THADA: variants seen among roughly 807,000 people sequenced by gnomAD.
The protein encoded by THADA is tRNA (32-2'-O)-methyltransferase regulator THADA.
Under a neutral mutation model 219.8 loss-of-function variants are expected in THADA, and 213 were observed. That is an observed-to-expected ratio of 0.97 (90% CI 0.87 to 1.09). The LOEUF (loss-of-function observed/expected upper bound fraction) is 1.09. Ranked by LOEUF, THADA falls within the 50% of genes least tolerant of loss-of-function variation. THADA has a pLI of 0.00. For missense variants in THADA, 2,956 were observed against 2,311.3 expected (o/e 1.28, Z -5.72); for synonymous variants, 1,018 against 828.9 (o/e 1.23, Z -3.92).
At chr2:43,411,413 G>A (rs1462319500) in intron 28 of THADA, among the ~76,000 whole-genome samples, 1 of 152,022 alleles carries the variant, frequency 6.6e-6, no homozygotes, top group Admixed American at 6.6e-5. Flanking sequence ...AAATTTGTTG[G>A]GCCAGCTTTA....
chr2:43,593,205 T>C (rs879548172), intron 1 of THADA, among the ~76,000 whole-genome samples: 1 of 152,040 alleles, frequency 6.6e-6, no homozygotes, highest in Non-Finnish European at 1.5e-5. Flanking sequence ...GTCAATAAAC[T>C]GGAATAACGA....
At chr2:43,351,064 C>T (rs1201803897) in intron 29 of THADA, among the ~76,000 whole-genome samples, 3 of 152,130 alleles carry the variant, frequency 2.0e-5, no homozygotes, top group Non-Finnish European at 4.4e-5. Flanking sequence ...ATTAACACTC[C>T]CACTATTTTA....
chr2:43,474,005 T>C (rs769360354), intron 26 of THADA, among the ~76,000 whole-genome samples: 1 of 152,120 alleles, frequency 6.6e-6, no homozygotes, highest in African/African-American at 2.4e-5. Flanking sequence ...TGAGACATCA[T>C]AGGGGATAGG....
At chr2:43,512,318 A>C (rs987728635) in intron 22 of THADA, among the ~76,000 whole-genome samples, 1 of 152,038 alleles carries the variant, frequency 6.6e-6, no homozygotes, top group South Asian at 2.1e-4. Context: ...GAACTCTACC[A>C]CCGGTTCCCA....
intron 36 of THADA, among the ~76,000 whole-genome samples, chr2:43,261,107 C>G (rs1455336042): frequency 6.6e-6 from 1 of 151,526 alleles, no homozygotes; most frequent in East Asian, 1.9e-4. Flanking sequence ...CAATGCTTCT[C>G]TTCCTGTCCA....
intron 29 of THADA, among the ~76,000 whole-genome samples, chr2:43,361,005 G>T (rs1291040756): frequency 3.4e-5 from 5 of 148,492 alleles, no homozygotes; most frequent in Non-Finnish European, 7.4e-5. Context: ...CTGAAAGGGG[G>T]TGCTACCAGC....
At chr2:43,403,336 C>A (rs1299837916) in intron 28 of THADA, among the ~76,000 whole-genome samples, 1 of 152,128 alleles carries the variant, frequency 6.6e-6, no homozygotes, top group East Asian at 1.9e-4. Flanking sequence ...AGCAGAACAA[C>A]GAAGATGATG....
At chr2:43,334,216 G>C (rs1168510369) in intron 30 of THADA, among the ~76,000 whole-genome samples, 1 of 152,162 alleles carries the variant, frequency 6.6e-6, no homozygotes, top group Non-Finnish European at 1.5e-5. Context: ...AGTATGGATA[G>C]GGGGTGACAG....
intron 12 of THADA, among the ~76,000 whole-genome samples, chr2:43,572,216 C>A (rs955858150): frequency 6.6e-6 from 1 of 152,156 alleles, no homozygotes; most frequent in African/African-American, 2.4e-5. Flanking sequence ...TTTCTTTCTG[C>A]TCCCACTCTG....
chr2:43,488,987 T>C (rs559981201), intron 25 of THADA, among the ~76,000 whole-genome samples: 1 of 152,346 alleles, frequency 6.6e-6, no homozygotes, highest in African/African-American at 2.4e-5. Context: ...ATATTCTTTG[T>C]CCATTTTAAA....
At chr2:43,332,734 C>T (rs1386019915) in intron 30 of THADA, among the ~76,000 whole-genome samples, 8 of 152,176 alleles carry the variant, frequency 5.3e-5, no homozygotes, top group Non-Finnish European at 8.8e-5. Flanking sequence ...TCCAAATCTT[C>T]CAACAGCAAC....
At chr2:43,347,941 A>G (rs1293848608) in intron 29 of THADA, among the ~76,000 whole-genome samples, 1 of 152,100 alleles carries the variant, frequency 6.6e-6, no homozygotes, top group African/African-American at 2.4e-5. Context: ...CTGTTGGGTG[A>G]TGAGATCTGT....
chr2:43,585,921 A>G (rs1004883167), intron 7 of THADA, among the ~76,000 whole-genome samples: 3 of 152,104 alleles, frequency 2.0e-5, no homozygotes, highest in Non-Finnish European at 4.4e-5. Context: ...ATTTATTAAA[A>G]TTAAATATCA....
Position 43,518,169 on chromosome 2 carries a change from G to A in THADA, c.3375-9389C>T, listed in dbSNP as rs150405611. On this transcript the variant is annotated intron_variant, in intron 22 of 37. Coordinates refer to ENST00000405975, the MANE Select transcript of THADA (RefSeq NM_022065.5). ...ATTCCCAGCACCTATAACACGGCCT[G>A]ATACCCTATAGGGAGCTCAATAAAT... is the stretch of plus-strand genomic sequence containing the variant. 1.8e-3 allele frequency among the ~76,000 whole-genome samples: 271 copies of A among 152,254 alleles called. 5 individuals carry two copies. In the South Asian group the frequency reaches 0.043, roughly 24 times the overall value.
chr2:43,577,237 G>A lies in THADA; in HGVS notation c.822C>T (p.Ser274=), dbSNP rs369946487. The stretch of plus-strand genomic sequence containing the variant: ...AGTCCACTGAACGAAGCAGCACACT[G>A]CTAATCTGGAAAAATATAGCAGAGC... ...HPSEKIPHLI[S]SVLLRSVDCT... The change falls in exon 10 of 38, where the codon AGC becomes AGT. Residue 274 remains serine (S), a synonymous_variant. Coordinates refer to ENST00000405975, the MANE Select transcript of THADA (RefSeq NM_022065.5). 1.9e-6 allele frequency: 3 copies of A among 1,583,246 alleles called. No individual in the cohort carries two copies. In the African/African-American group the frequency reaches 4.0e-5, roughly 21 times the overall value.
chr2:43,233,211 C>G (rs17030586), intron 36 of THADA: 5,150 of 264,034 alleles, frequency 0.02, 259 homozygotes, highest in African/African-American at 0.1. Flanking sequence ...GCTTCCCTGT[C>G]CAGTGTCTCC....
At chr2:43,308,755 TACCAAAA>T (rs1469793359) in intron 31 of THADA, among the ~76,000 whole-genome samples, 20 of 63,322 alleles carry the variant, frequency 3.2e-4, no homozygotes, top group Non-Finnish European at 4.6e-4. Flanking sequence ...TGGATACCCA[TACCAAAA>T]AAAAAAAAAA....
At chr2:43,549,443 C>A in intron 19 of THADA, 75 bp from the exon 20 acceptor site, 1 of 1,418,580 alleles carries the variant, frequency 7.0e-7, no homozygotes, top group East Asian at 2.6e-5. Context: ...GATGCTTACT[C>A]AAAAAATCTA....
intron 35 of THADA, among the ~76,000 whole-genome samples, chr2:43,284,962 G>T (rs887679265): frequency 6.6e-6 from 1 of 152,214 alleles, no homozygotes; most frequent in African/African-American, 2.4e-5. Context: ...CATGGGGCCC[G>T]TAGACCCTTT....
Sources: allele counts gnomAD v4.1 joint callset (sites outside exome capture counted in the v4.1 genomes callset), GRCh38; gene constraint gnomAD v4.1.1; transcripts MANE v1.5; gene names NCBI Gene and HGNC (gene_info 2026-07-23, HGNC 2026-07-21).